The following MSRB3 variants were observed in gnomAD, a reference collection of about 807,000 sequenced individuals.
The protein encoded by MSRB3 is methionine sulfoxide reductase B3.
Under a neutral mutation model 21.0 loss-of-function variants are expected in MSRB3, and 13 were observed. The ratio of observed to expected loss-of-function variants is 0.62; its 90% confidence interval spans 0.40 to 0.98. The LOEUF (loss-of-function observed/expected upper bound fraction) is 0.98. Among genes scored for constraint, MSRB3 ranks in the 50% least tolerant of loss-of-function variants. The pLI is 0.00. For missense variants in MSRB3, 199 were observed against 230.3 expected (o/e 0.86, Z 0.88); for synonymous variants, 87 against 88.6 (o/e 0.98, Z 0.10).
chr12:65,421,979 G>A (rs1196067280), intron 5 of MSRB3, among the ~76,000 whole-genome samples: 1 of 152,112 alleles, frequency 6.6e-6, no homozygotes, highest in African/African-American at 2.4e-5. Flanking sequence ...CTTTCTTCAA[G>A]AGACCCATCT....
intron 4 of MSRB3, among the ~76,000 whole-genome samples, chr12:65,363,209 A>C (rs1592566112): frequency 1.3e-5 from 2 of 152,202 alleles, no homozygotes; most frequent in African/African-American, 2.4e-5. Flanking sequence ...TGATACTTAC[A>C]TGATTCCCAT....
intron 2 of MSRB3, among the ~76,000 whole-genome samples, chr12:65,317,920 C>G (rs2136436435): frequency 6.6e-6 from 1 of 152,188 alleles, no homozygotes; most frequent in East Asian, 1.9e-4. Flanking sequence ...TTAAATACAA[C>G]ATATACCCGT....
At chr12:65,444,863 T>A (rs1882543390) in intron 5 of MSRB3, among the ~76,000 whole-genome samples, 1 of 152,204 alleles carries the variant, frequency 6.6e-6, no homozygotes. Context: ...TTTCTTTTCC[T>A]CTACTGACTC....
At chr12:65,431,388 AAT>A (rs1881870410) in intron 5 of MSRB3, among the ~76,000 whole-genome samples, 1 of 151,974 alleles carries the variant, frequency 6.6e-6, no homozygotes, top group Non-Finnish European at 1.5e-5. Flanking sequence ...TTCCAGCATT[AAT>A]TTTTTTGTGC....
intron 5 of MSRB3, among the ~76,000 whole-genome samples, chr12:65,403,662 ACTC>A (rs1272105892): frequency 1.3e-5 from 2 of 151,472 alleles, no homozygotes; most frequent in African/African-American, 4.9e-5. Flanking sequence ...ATGAAAAAAA[ACTC>A]CTGCAGCAGC....
intron 1 of MSRB3, among the ~76,000 whole-genome samples, chr12:65,298,595 A>G (rs1334262456): frequency 6.6e-6 from 1 of 152,200 alleles, no homozygotes; most frequent in African/African-American, 2.4e-5. Context: ...GTCATTAAAT[A>G]TACCTTTTAG....
chr12:65,356,124 A>G (rs1158814983), intron 4 of MSRB3, among the ~76,000 whole-genome samples: 1 of 151,892 alleles, frequency 6.6e-6, no homozygotes, highest in Non-Finnish European at 1.5e-5. Context: ...TTGGGGGCTT[A>G]CTATAGTGTA....
chr12:65,466,808 G>A lies in MSRB3; in HGVS notation c.*3486G>A, dbSNP rs755348279. 1 of 152,132 alleles carries A rather than the reference G, an allele frequency of 6.6e-6. No homozygotes were observed. Among genetic ancestry groups the A allele is most frequent in the Non-Finnish European group, 1.5e-5 (1 of 68,020 alleles). 9.4% of individuals were successfully genotyped at this position (152,132 alleles called of 1,614,324 possible). On this transcript the variant is annotated 3_prime_UTR_variant, in exon 7 of 7. Coordinates refer to ENST00000308259, the MANE Select transcript of MSRB3 (RefSeq NM_001031679.3). ...CTTTGTAATAATTTTTCTCCAGACA[G>A]TTCAACACTTTTGAAAAATGACATG...
intron 1 of MSRB3, among the ~76,000 whole-genome samples, chr12:65,288,748 A>T (rs1411828833): frequency 6.6e-6 from 1 of 152,134 alleles, no homozygotes; most frequent in East Asian, 1.9e-4. Flanking sequence ...TACCATTGGA[A>T]TTTGCCTCTG....
chr12:65,317,970 A>G (rs1353893), intron 2 of MSRB3, among the ~76,000 whole-genome samples: 63,047 of 151,954 alleles, frequency 0.41, 14,477 homozygotes, highest in African/African-American at 0.62. Flanking sequence ...CTAGGTGCTG[A>G]GGATGCAAAG....
At chr12:65,463,096 T>A in intron 6 of MSRB3, 59 bp from the exon 7 acceptor site, 2 of 1,604,202 alleles carry the variant, frequency 1.2e-6, no homozygotes, top group Non-Finnish European at 1.7e-6. Flanking sequence ...TTAATGTGAA[T>A]TCCTCTCAAA....
At chr12:65,425,058 T>TTATATATTTATA (rs1881523302) in intron 5 of MSRB3, among the ~76,000 whole-genome samples, 2 of 135,938 alleles carry the variant, frequency 1.5e-5, no homozygotes, top group African/African-American at 2.9e-5. Flanking sequence ...TTATATATAT[T>TTATATATTTATA]TACAGTAGTT....
chr12:65,398,719 C>G (rs1879952102), intron 5 of MSRB3, among the ~76,000 whole-genome samples: 1 of 152,134 alleles, frequency 6.6e-6, no homozygotes, highest in African/African-American at 2.4e-5. Flanking sequence ...AGATTTCCTT[C>G]TAGTGTTTTT....
At chr12:65,321,717 A>G (rs17101254) in intron 2 of MSRB3, among the ~76,000 whole-genome samples, 15,579 of 152,170 alleles carry the variant, frequency 0.1, 2,718 homozygotes, top group African/African-American at 0.36. Flanking sequence ...TCTAAATTTG[A>G]CTTTTCCAAA....
At chr12:65,393,715 T>C (rs1879619617) in intron 5 of MSRB3, among the ~76,000 whole-genome samples, 1 of 151,888 alleles carries the variant, frequency 6.6e-6, no homozygotes, top group African/African-American at 2.4e-5. Flanking sequence ...TATATATGTG[T>C]GTGTGTATTT....
intron 6 of MSRB3, among the ~76,000 whole-genome samples, chr12:65,459,753 G>A (rs996619069): frequency 2.6e-5 from 4 of 152,142 alleles, no homozygotes; most frequent in African/African-American, 9.7e-5. Context: ...CTAAGACAGT[G>A]GGAAATACAT....
chr12:65,293,251 C>G (rs1045564272), intron 1 of MSRB3, among the ~76,000 whole-genome samples: 3 of 152,208 alleles, frequency 2.0e-5, no homozygotes, highest in Non-Finnish European at 4.4e-5. Flanking sequence ...CCTAAAGTGT[C>G]TCACCACCTT....
rs564439895 is a variant in MSRB3 at position 65,408,315 on chromosome 12, G to A, written c.292+39289G>A. 5.9e-5 allele frequency among the ~76,000 whole-genome samples: 9 copies of A among 152,098 alleles called. No individual in the cohort carries two copies. The East Asian group carries it at 1.2e-3, about 20-fold the overall frequency. On this transcript the variant is annotated intron_variant, in intron 5 of 6. Transcript: ENST00000308259. ...TCACCATATTGGCCAGGCTGGTCTC[G>A]AACTCCTGACCTCGTGATCCACCCA...
At chr12:65,423,704 A>G (rs780373354) in intron 5 of MSRB3, among the ~76,000 whole-genome samples, 79 of 152,150 alleles carry the variant, frequency 5.2e-4, no homozygotes, top group Non-Finnish European at 2.4e-4. Flanking sequence ...GTCATGATGA[A>G]TCATTCTTTT....
Sources: gnomAD v4.1 joint callset for allele counts (sites outside exome capture counted in the v4.1 genomes callset) on GRCh38, gnomAD v4.1.1 for gene constraint, MANE v1.5 for transcripts, NCBI Gene and HGNC (gene_info 2026-07-23, HGNC 2026-07-21) for gene names.